The following PLAT variants were observed in gnomAD, a reference collection of about 807,000 sequenced individuals.
The protein encoded by PLAT is tissue-type plasminogen activator.
Under a neutral mutation model 74.9 loss-of-function variants are expected in PLAT, and 48 were observed. The observed-to-expected ratio is 0.64, with a 90% confidence interval of 0.51 to 0.82. The LOEUF (loss-of-function observed/expected upper bound fraction) is 0.82. Ranked by LOEUF, PLAT falls within the 40% of genes least tolerant of loss-of-function variation. The pLI is 0.00. For synonymous variants in PLAT, 307 were observed against 294.4 expected (o/e 1.04, Z -0.44); for missense variants, 673 against 736.2 (o/e 0.91, Z 0.99).
chr8:42,200,607 T>G (rs182658315), intron 1 of PLAT, among the ~76,000 whole-genome samples: 1 of 150,536 alleles, frequency 6.6e-6, no homozygotes, highest in Admixed American at 6.6e-5. Flanking sequence ...AGCCTGGGAG[T>G]TTGAGGCTGC....
rs1327598415 is a variant in PLAT, at chr8:42,187,893, C to T, written c.364+13G>A. The T allele has an allele frequency of 4.6e-6, 7 of 1,513,314 alleles. No homozygotes were observed. Among genetic ancestry groups the T allele is most frequent in the Non-Finnish European group, 6.4e-6 (7 of 1,088,356 alleles). The allele number at this position is 1,513,314 out of a possible 1,614,324, so 93.7% of individuals were successfully genotyped here. On this transcript the variant is annotated intron_variant, in intron 5 of 13. Transcript: ENST00000220809. ...GGGATTTCAGCTCGTTTCACGTGCT[C>T]TCACCTACTCACCTATTTCACAGCA...
intron 1 of PLAT, 80 bp from the exon 2 acceptor site, chr8:42,193,291 T>A: frequency 1.1e-6 from 1 of 890,930 alleles, no homozygotes; most frequent in South Asian, 1.4e-5. Flanking sequence ...GCCGCAATGT[T>A]GTCCTGTCTG....
Position 42,185,062 on chromosome 8 carries a change from CG to C in PLAT, c.631+18del. 1 of 1,542,954 alleles carries C rather than the reference CG, an allele frequency of 6.5e-7. No homozygotes were observed. The highest frequency in any genetic ancestry group is 8.8e-7 in the Non-Finnish European group (1 of 1,132,314). On this transcript the variant is annotated intron_variant, in intron 7 of 13. Transcript: ENST00000220809. ...TCCCCCAGGGACATTCAGGGAAAGG[CG>C]GGGTGGCTGCCACTTACCCTCAGAG... is the stretch of plus-strand genomic sequence containing the variant.
intron 1 of PLAT, among the ~76,000 whole-genome samples, chr8:42,203,612 C>T (rs924297109): frequency 6.6e-6 from 1 of 152,158 alleles, no homozygotes; most frequent in Non-Finnish European, 1.5e-5. Context: ...TCCCATTCTA[C>T]AGAAGTTTCC....
intron 1 of PLAT, among the ~76,000 whole-genome samples, chr8:42,201,693 C>T (rs1349208814): frequency 6.6e-6 from 1 of 152,162 alleles, no homozygotes; most frequent in Non-Finnish European, 1.5e-5. Flanking sequence ...TTTTTATTTG[C>T]CTTTCCCACA....
intron 8 of PLAT, chr8:42,182,253 G>C: frequency 2.3e-6 from 1 of 436,594 alleles, no homozygotes. Flanking sequence ...TGTAAGAGTA[G>C]AAGGAGACTC....
chr8:42,187,362 C>G (rs771631847), intron 6 of PLAT, 36 bp downstream of exon 6: 7 of 1,514,256 alleles, frequency 4.6e-6, no homozygotes, highest in Non-Finnish European at 6.2e-6. Context: ...AGCAGCTTCT[C>G]ACAGGGGGAA....
At chr8:42,181,829 G>T (rs1013727527) in intron 9 of PLAT, 108 bp downstream of exon 9, 60 of 630,108 alleles carry the variant, frequency 9.5e-5, no homozygotes, top group Non-Finnish European at 1.5e-4. Context: ...CTGGAAGTCT[G>T]GTAGGCACAC....
chr8:42,194,819 ATC>A (rs1805844492), intron 1 of PLAT, among the ~76,000 whole-genome samples: 2 of 120,398 alleles, frequency 1.7e-5, no homozygotes, highest in Admixed American at 1.1e-4. Context: ...CTGCCAGAAC[ATC>A]TGTCTCCTTT....
intron 1 of PLAT, among the ~76,000 whole-genome samples, chr8:42,204,505 A>G (rs1478825160): frequency 6.6e-6 from 1 of 152,030 alleles, no homozygotes; most frequent in African/African-American, 2.4e-5. Flanking sequence ...TTGCGAGGCC[A>G]AGGCGGGCAG....
chr8:42,193,113 C>A lies in PLAT; in HGVS notation c.72+1G>T, dbSNP rs1563260648. On this transcript the variant is annotated splice_donor_variant, in intron 2 of 13. Coordinates refer to ENST00000220809, the MANE Select transcript of PLAT (RefSeq NM_000930.5). LOFTEE classifies it high-confidence loss of function. ...GGGACACAGGGATCCTGCACACCAA[C>A]CTGGCTGGGCGAAACGAAGACTGCT... The A allele has an allele frequency of 5.0e-6, 8 of 1,610,952 alleles. No individual in the cohort carries two copies. The highest frequency in any genetic ancestry group is 1.1e-5 in the South Asian group (1 of 91,038).
Position 42,179,947 on chromosome 8 carries a change from C to G in PLAT, c.1342G>C (p.Gly448Arg), listed in dbSNP as rs1805150157. 1.9e-6 allele frequency: 3 copies of G among 1,603,278 alleles called. No homozygotes were observed. The highest frequency in any genetic ancestry group is 2.6e-6 in the Non-Finnish European group (3 of 1,173,650). Residue 448 changes from glycine to arginine, a missense_variant, in exon 12 of 14, where the codon GGC (glycine) becomes CGC (arginine). Transcript: ENST00000220809. ...TTACAGGCCTCATGCTTGCCGTAGC[C>G]GGAGAGCTCACACTCCGTCCAGTCC... ...LPDWTECELS[G>R]YGKHEALSPF...
rs11985511 is a variant in PLAT, at chr8:42,191,452, T to A, written c.73-38A>T. 127 of 1,606,378 alleles carry A rather than the reference T, an allele frequency of 7.9e-5. No homozygotes were observed. In the African/African-American group the frequency reaches 1.0e-3, roughly 13 times the overall value. On this transcript the variant is annotated intron_variant, in intron 2 of 13. Transcript: ENST00000220809. Reference sequence around the variant, plus strand: ...CAGAGGTGGAGGAAGGATCAGCACATGCCAGGTGTACTAAGAGTAAAGGCG... The same window carrying A: ...CAGAGGTGGAGGAAGGATCAGCACAAGCCAGGTGTACTAAGAGTAAAGGCG...
At chr8:42,203,780 C>CTCT (rs1806221305) in intron 1 of PLAT, among the ~76,000 whole-genome samples, 2 of 151,898 alleles carry the variant, frequency 1.3e-5, no homozygotes, top group African/African-American at 4.8e-5. Flanking sequence ...GCCTGGGCAA[C>CTCT]AAAGCAAAAC....
In PLAT at chr8:42,191,369, G is replaced by C. The variant is rs140181778; in HGVS notation, c.115+3C>G. The C allele has an allele frequency of 6.2e-7, 1 of 1,613,830 alleles. No homozygotes were observed. On this transcript the variant is annotated splice_donor_region_variant and intron_variant, in intron 3 of 13. Coordinates refer to ENST00000220809, the MANE Select transcript of PLAT (RefSeq NM_000930.5). ...CCCCATGCACCCCTCAGCTTCACCC[G>C]ACCTTGGTAAGATCTGGCTCCTCTT...
rs960182142 is a variant in PLAT at position 42,174,788 on chromosome 8, C to T, written c.*1205G>A. On this transcript the variant is annotated 3_prime_UTR_variant, in exon 14 of 14. Coordinates refer to ENST00000220809, the MANE Select transcript of PLAT (RefSeq NM_000930.5). ...ATAATCTAAATTCCAGCCTATGTTC[C>T]TCTTCCTGAAGTTCACTTCAGACAA... 2.0e-5 allele frequency among the ~76,000 whole-genome samples: 3 copies of T among 152,082 alleles called. No individual in the cohort carries two copies. Among genetic ancestry groups the T allele is most frequent in the African/African-American group, 7.2e-5 (3 of 41,406 alleles).
chr8:42,194,732 C>G (rs1805838739), intron 1 of PLAT, among the ~76,000 whole-genome samples: 1 of 152,200 alleles, frequency 6.6e-6, no homozygotes, highest in African/African-American at 2.4e-5. Context: ...AGGATGGAGC[C>G]TACTCCCCTG....
intron 12 of PLAT, 37 bp downstream of exon 12, chr8:42,179,889 C>G (rs756449177): frequency 1.0e-5 from 16 of 1,528,298 alleles, no homozygotes; most frequent in Admixed American, 2.0e-5. Context: ...CCTGCTGTCC[C>G]GCAGACAGGA....
At chr8:42,177,741 C>G (rs1805026432) in intron 13 of PLAT, among the ~76,000 whole-genome samples, 1 of 152,170 alleles carries the variant, frequency 6.6e-6, no homozygotes, top group Non-Finnish European at 1.5e-5. Flanking sequence ...TTGGTACAAC[C>G]TTTTTGTTTC....
Sources: allele counts gnomAD v4.1 joint callset (sites outside exome capture counted in the v4.1 genomes callset), GRCh38; gene constraint gnomAD v4.1.1; transcripts MANE v1.5; gene names NCBI Gene and HGNC (gene_info 2026-07-23, HGNC 2026-07-21).